Variants in LMOD1 observed in about 807,000 individuals in gnomAD.
LMOD1 encodes leiomodin 1.
Under a neutral mutation model 36.5 loss-of-function variants are expected in LMOD1, and 8 were observed. The ratio of observed to expected loss-of-function variants is 0.22; its 90% confidence interval spans 0.13 to 0.40. The LOEUF is 0.40. LMOD1 is among the 10% of genes least tolerant of loss of function. The pLI, the probability that LMOD1 is intolerant of heterozygous loss-of-function variation, is 1.00. For missense variants in LMOD1, 630 were observed against 751.1 expected (o/e 0.84, Z 1.88); for synonymous variants, 284 against 288.7 (o/e 0.98, Z 0.17).
intron 1 of LMOD1, among the ~76,000 whole-genome samples, chr1:201,923,515 G>A (rs1175864890): frequency 2.0e-5 from 3 of 152,062 alleles, no homozygotes; most frequent in African/African-American, 7.2e-5. Flanking sequence ...GAGACCAGGA[G>A]TTTGAGATCA....
intron 1 of LMOD1, among the ~76,000 whole-genome samples, chr1:201,914,521 G>T (rs1681567683): frequency 6.6e-6 from 1 of 151,958 alleles, no homozygotes. Context: ...TGTCATTATG[G>T]GTCTAGCTCT....
At chr1:201,924,007 AAAG>A (rs1199776136) in intron 1 of LMOD1, among the ~76,000 whole-genome samples, 1 of 151,170 alleles carries the variant, frequency 6.6e-6, no homozygotes, top group Admixed American at 6.6e-5. Context: ...AAGAAAGAGA[AAAG>A]AAAGAAAAAG....
chr1:201,915,109 G>T (rs756134146), intron 1 of LMOD1, among the ~76,000 whole-genome samples: 42 of 152,220 alleles, frequency 2.8e-4, no homozygotes, highest in Non-Finnish European at 5.4e-4. Flanking sequence ...CTCAAACTGC[G>T]TGGGAAGCAT....
chr1:201,936,616 AGGCTAGCTCCTTC>A (rs1055235549), intron 1 of LMOD1, among the ~76,000 whole-genome samples: 1 of 151,988 alleles, frequency 6.6e-6, no homozygotes, highest in Non-Finnish European at 1.5e-5. Flanking sequence ...CATCTTCCCA[AGGCTAGCTCCTTC>A]GGTCCATTTA....
chr1:201,918,715 T>C (rs1447738341), intron 1 of LMOD1, among the ~76,000 whole-genome samples: 1 of 152,178 alleles, frequency 6.6e-6, no homozygotes, highest in Non-Finnish European at 1.5e-5. Context: ...AGTTCGACTG[T>C]ACAACAAACT....
intron 1 of LMOD1, among the ~76,000 whole-genome samples, chr1:201,901,642 A>T: frequency 1.3e-5 from 1 of 77,996 alleles, no homozygotes; most frequent in Non-Finnish European, 2.4e-5. Context: ...ATATATATAT[A>T]TATATACATA....
chr1:201,918,722 A>G (rs1233989887), intron 1 of LMOD1, among the ~76,000 whole-genome samples: 1 of 152,154 alleles, frequency 6.6e-6, no homozygotes, highest in Non-Finnish European at 1.5e-5. Context: ...CTGTACAACA[A>G]ACTAGAGAGA....
intron 1 of LMOD1, among the ~76,000 whole-genome samples, chr1:201,931,351 A>G (rs780057380): frequency 6.6e-6 from 1 of 152,320 alleles, no homozygotes; most frequent in Admixed American, 6.5e-5. Context: ...CCTGGCCAAC[A>G]TGGCGAAACC....
chr1:201,916,128 G>A (rs1681606266), intron 1 of LMOD1, among the ~76,000 whole-genome samples: 1 of 151,744 alleles, frequency 6.6e-6, no homozygotes, highest in Admixed American at 6.6e-5. Flanking sequence ...ATGTTGCCCA[G>A]GCTGGTCTTA....
chr1:201,935,139 G>C (rs1251240634), intron 1 of LMOD1, among the ~76,000 whole-genome samples: 1 of 152,176 alleles, frequency 6.6e-6, no homozygotes, highest in Non-Finnish European at 1.5e-5. Flanking sequence ...CCAGCTTTCA[G>C]ATAAACAGAC....
At chr1:201,928,519 G>A (rs1049114128) in intron 1 of LMOD1, among the ~76,000 whole-genome samples, 1 of 152,152 alleles carries the variant, frequency 6.6e-6, no homozygotes, top group African/African-American at 2.4e-5. Context: ...GCTGTGAAGA[G>A]GGCCACTCCC....
intron 1 of LMOD1, among the ~76,000 whole-genome samples, chr1:201,903,732 G>T (rs1421710414): frequency 6.6e-6 from 1 of 151,998 alleles, no homozygotes; most frequent in Non-Finnish European, 1.5e-5. Flanking sequence ...TAGGCCCATG[G>T]TCTAGAGATT....
In LMOD1 at chr1:201,901,968, T is replaced by TA. The variant is rs1024741486; in HGVS notation, c.262-1218_262-1217insT. Among the ~76,000 whole-genome samples the TA allele has an allele frequency of 6.7e-4, 30 of 44,634 alleles. 1 individual carries two copies. The highest frequency in any genetic ancestry group is 3.5e-3 in the African/African-American group (29 of 8,210). 29.3% of individuals were successfully genotyped at this position (44,634 alleles called of 152,430 possible). A position where few individuals can be genotyped will look rare whatever the true frequency, so the allele number is the denominator to read the frequency against. On this transcript the variant is annotated intron_variant, in intron 1 of 2. Coordinates refer to ENST00000367288, the MANE Select transcript of LMOD1 (RefSeq NM_012134.3). ...TCATTATTATTGTTATTATTATTAT[T>TA]TTTTTTTTTTAGAGATGGGGGTCTT...
chr1:201,899,919 G>A lies in LMOD1; in HGVS notation c.1094C>T (p.Ala365Val). The change falls in exon 2 of 3, where the codon GCC becomes GTC. Residue 365 changes from alanine to valine, a missense_variant. Around this residue, in one of 3 missense-constraint regions of LMOD1, gnomAD observed 81 missense variants for 180.6 expected, o/e 0.45. Coordinates refer to ENST00000367288, the MANE Select transcript of LMOD1 (RefSeq NM_012134.3). The surrounding 1 kb of genome is among the most constrained non-coding windows in gnomAD (Gnocchi z 6.3). ...LEFNTVVKLF[A>V]LANTRADDHV... The stretch of plus-strand genomic sequence containing the variant: ...GTCATCGGCTCGCGTGTTGGCCAAG[G>A]CGAACAGCTTAACCACAGTGTTGAA... 1 of 1,613,962 alleles carries A rather than the reference G, an allele frequency of 6.2e-7. No individual in the cohort carries two copies. Among genetic ancestry groups the A allele is most frequent in the Non-Finnish European group, 8.5e-7 (1 of 1,179,872 alleles).
Position 201,908,004 on chromosome 1 carries a change from C to G in LMOD1, c.262-7253G>C, listed in dbSNP as rs1205598389. On this transcript the variant is annotated intron_variant, in intron 1 of 2. Transcript: ENST00000367288. ...GCCCCCCACCATAGAGCAGGCCTCC[C>G]CGCTGCTGAAGAGCTACCGCTTCAG... Among the ~76,000 whole-genome samples the G allele has an allele frequency of 2.0e-5, 3 of 152,106 alleles. No homozygotes were observed. The East Asian group carries it at 5.8e-4, about 29-fold the overall frequency.
At chr1:201,913,498 T>C (rs921440856) in intron 1 of LMOD1, among the ~76,000 whole-genome samples, 1 of 152,140 alleles carries the variant, frequency 6.6e-6, no homozygotes, top group Non-Finnish European at 1.5e-5. Context: ...TCTCAGCTAC[T>C]CAGGAGGCTG....
In LMOD1 at chr1:201,899,172, G is replaced by A. The variant is rs931249562; in HGVS notation, c.1776+65C>T. ...TCCTCTGCATGCCTTCCCTTTTGCA[G>A]TCCTACCCTCTCCTCCAGGCCCTAC... is the stretch of plus-strand genomic sequence containing the variant. On this transcript the variant is annotated intron_variant, in intron 2 of 2. Coordinates refer to ENST00000367288, the MANE Select transcript of LMOD1 (RefSeq NM_012134.3). This position sits in a 1 kb window ranked among gnomAD's most constrained non-coding sequence, Gnocchi z 6.3. The A allele has an allele frequency of 7.0e-6, 10 of 1,431,372 alleles. No individual in the cohort carries two copies. Among genetic ancestry groups the A allele is most frequent in the Middle Eastern group, 4.5e-4 (2 of 4,402 alleles). 88.7% of individuals were successfully genotyped at this position (1,431,372 alleles called of 1,614,324 possible).
Position 201,901,628 on chromosome 1 carries a change from GTGTATA to G in LMOD1, c.262-883_262-878del, listed in dbSNP as rs1313815541. Among the ~76,000 whole-genome samples the G allele has an allele frequency of 4.9e-3, 68 of 14,012 alleles. 12 individuals carry two copies. The highest frequency in any genetic ancestry group is 0.016 in the South Asian group (4 of 248). 9.2% of individuals were successfully genotyped at this position (14,012 alleles called of 152,430 possible). ...TATATATACACATATATATGTGTGT[GTGTATA>G]TATATATATATATACATATATATGT... On this transcript the variant is annotated intron_variant, in intron 1 of 2. Transcript: ENST00000367288.
chr1:201,919,898 G>A (rs1681672280), intron 1 of LMOD1, among the ~76,000 whole-genome samples: 1 of 151,900 alleles, frequency 6.6e-6, no homozygotes, highest in Non-Finnish European at 1.5e-5. Flanking sequence ...TCACCTTCCA[G>A]TCCACATCTC....
Sources: gnomAD v4.1 joint callset for allele counts (sites outside exome capture counted in the v4.1 genomes callset) on GRCh38, gnomAD v4.1.1 for gene constraint, gnomAD v4.1.1 regional missense constraint, Gnocchi (gnomAD v3.1) non-coding constraint, MANE v1.5 for transcripts, NCBI Gene and HGNC (gene_info 2026-07-23, HGNC 2026-07-21) for gene names.